The following FSTL5 variants were observed in gnomAD, a reference collection of about 807,000 sequenced individuals.
FSTL5 encodes the protein follistatin-related protein 5.
In FSTL5, 62 loss-of-function variants were observed where a neutral mutation model predicts 89.1. The observed-to-expected ratio is 0.70, with a 90% CI of 0.57 to 0.86. FSTL5 has a LOEUF of 0.86. Among genes scored for constraint, FSTL5 ranks in the 40% least tolerant of loss-of-function variants. The pLI, the probability that FSTL5 is intolerant of heterozygous loss-of-function variation, is 0.00. For synonymous variants in FSTL5, 383 were observed against 346.2 expected, an observed-to-expected ratio of 1.11 and a Z score of -1.18; for missense variants, 1,057 against 1,001.6, an observed-to-expected ratio of 1.06 and a Z score of -0.75.
intron 4 of FSTL5, among the ~76,000 whole-genome samples, chr4:161,789,100 A>AT (rs1360865100): frequency 2.0e-5 from 3 of 152,038 alleles, no homozygotes; most frequent in Admixed American, 6.5e-5. Flanking sequence ...TTATATACCT[A>AT]TTTTTTATAT....
At chr4:161,409,804 A>C (rs1470967076) in intron 15 of FSTL5, among the ~76,000 whole-genome samples, 3 of 152,238 alleles carry the variant, frequency 2.0e-5, no homozygotes, top group Admixed American at 6.5e-5. Context: ...GTCACTATAA[A>C]GCAACTACAA....
At chr4:161,744,249 T>G (rs1030993816) in intron 6 of FSTL5, among the ~76,000 whole-genome samples, 23 of 152,088 alleles carry the variant, frequency 1.5e-4, no homozygotes, top group African/African-American at 5.1e-4. Flanking sequence ...TCCAGCTAAC[T>G]TAAGAAATCT....
At chr4:161,726,333 T>A (rs1170022994) in intron 6 of FSTL5, among the ~76,000 whole-genome samples, 2 of 149,328 alleles carry the variant, frequency 1.3e-5, no homozygotes, top group East Asian at 4.0e-4. Flanking sequence ...TTCAAGCAAT[T>A]CTCCTGTGTC....
chr4:161,451,488 G>A (rs1341484522), intron 15 of FSTL5, among the ~76,000 whole-genome samples: 1 of 152,144 alleles, frequency 6.6e-6, no homozygotes, highest in Non-Finnish European at 1.5e-5. Flanking sequence ...ATAATCAACA[G>A]GGAGCCAGTT....
At chr4:161,889,836 A>T (rs1732930282) in intron 4 of FSTL5, among the ~76,000 whole-genome samples, 1 of 152,074 alleles carries the variant, frequency 6.6e-6, no homozygotes, top group Non-Finnish European at 1.5e-5. Context: ...ATTTACAAAA[A>T]TTTTTCTCTA....
chr4:161,618,853 T>A (rs1734995233), intron 7 of FSTL5, among the ~76,000 whole-genome samples: 1 of 152,302 alleles, frequency 6.6e-6, no homozygotes, highest in East Asian at 1.9e-4. Context: ...AAAGTTCATA[T>A]GACACCAAAA....
At chr4:161,604,642 C>T (rs888024225) in intron 7 of FSTL5, among the ~76,000 whole-genome samples, 1 of 152,068 alleles carries the variant, frequency 6.6e-6, no homozygotes, top group Non-Finnish European at 1.5e-5. Flanking sequence ...TACAAAACCA[C>T]CCAAAGTGGT....
chr4:161,772,165 T>G (rs1741233509), intron 5 of FSTL5, among the ~76,000 whole-genome samples: 1 of 152,134 alleles, frequency 6.6e-6, no homozygotes. Flanking sequence ...TTATGTGGAC[T>G]AACTATAGAA....
At chr4:161,386,753 T>A (rs1287753325) in intron 15 of FSTL5, 1 of 307,598 alleles carries the variant, frequency 3.3e-6, no homozygotes, top group Non-Finnish European at 6.1e-6. Flanking sequence ...AGAAGAAGTA[T>A]ACATTATTCT....
At chr4:161,403,327 T>C (rs1258644668) in intron 15 of FSTL5, among the ~76,000 whole-genome samples, 1 of 152,086 alleles carries the variant, frequency 6.6e-6, no homozygotes, top group East Asian at 1.9e-4. Flanking sequence ...GTTTGTTTGT[T>C]TTCTAACGAA....
At chr4:161,679,746 C>T (rs758445785) in intron 6 of FSTL5, among the ~76,000 whole-genome samples, 1 of 151,772 alleles carries the variant, frequency 6.6e-6, no homozygotes, top group African/African-American at 2.4e-5. Context: ...CCAATATGAT[C>T]TCTTTCTTCA....
At chr4:161,718,673 C>A (rs956851900) in intron 6 of FSTL5, among the ~76,000 whole-genome samples, 1 of 152,118 alleles carries the variant, frequency 6.6e-6, no homozygotes, top group African/African-American at 2.4e-5. Flanking sequence ...CGTGGCCCAC[C>A]CACCTCAGCC....
At chr4:161,977,429 G>A (rs1282666100) in intron 3 of FSTL5, among the ~76,000 whole-genome samples, 4 of 151,352 alleles carry the variant, frequency 2.6e-5, no homozygotes, top group Admixed American at 6.6e-5. Context: ...TGCCTAACAC[G>A]ATGAAACCCC....
intron 4 of FSTL5, among the ~76,000 whole-genome samples, chr4:161,902,600 C>T (rs1335651605): frequency 1.3e-5 from 2 of 152,092 alleles, no homozygotes; most frequent in African/African-American, 2.4e-5. Context: ...GTAATCCCAG[C>T]ACTTTGGGAG....
intron 15 of FSTL5, among the ~76,000 whole-genome samples, chr4:161,406,384 C>A (rs10007889): frequency 6.6e-6 from 1 of 152,054 alleles, no homozygotes. Context: ...AGATACTTTG[C>A]GTAATTTCAA....
intron 4 of FSTL5, among the ~76,000 whole-genome samples, chr4:161,899,373 C>T (rs1733277936): frequency 6.6e-6 from 1 of 152,092 alleles, no homozygotes; most frequent in African/African-American, 2.4e-5. Context: ...TGTACTCTAC[C>T]CTTGTCATTT....
intron 7 of FSTL5, among the ~76,000 whole-genome samples, chr4:161,611,891 G>A (rs1287202572): frequency 6.6e-6 from 1 of 152,202 alleles, no homozygotes; most frequent in East Asian, 1.9e-4. Flanking sequence ...AAAGGTCAGA[G>A]CTGCTGTAGT....
intron 15 of FSTL5, among the ~76,000 whole-genome samples, chr4:161,443,073 T>C (rs1244765793): frequency 6.6e-6 from 1 of 151,974 alleles, no homozygotes; most frequent in Non-Finnish European, 1.5e-5. Flanking sequence ...GCTGTGAAAA[T>C]AGCTATTCAG....
intron 2 of FSTL5, among the ~76,000 whole-genome samples, chr4:162,069,000 T>A (rs892305134): frequency 6.6e-6 from 1 of 151,994 alleles, no homozygotes; most frequent in Admixed American, 6.6e-5. Context: ...TGAGATATCA[T>A]CTCACACCAC....
Sources: allele counts gnomAD v4.1 joint callset (sites outside exome capture counted in the v4.1 genomes callset), GRCh38; gene constraint gnomAD v4.1.1; transcripts MANE v1.5; gene names NCBI Gene and HGNC (gene_info 2026-07-23, HGNC 2026-07-21).